RNF216: variants seen among roughly 807,000 people sequenced by gnomAD.
RNF216 encodes the protein E3 ubiquitin-protein ligase RNF216.
RNF216 carries 72 observed loss-of-function variants against 110.8 expected under a neutral mutation model. The ratio of observed to expected loss-of-function variants is 0.65; its 90% confidence interval spans 0.54 to 0.79. The LOEUF is 0.79. Ranked by LOEUF, RNF216 falls within the 30% of genes least tolerant of loss-of-function variation. RNF216 has a pLI of 0.00. For synonymous variants in RNF216, 495 were observed against 407.5 expected (o/e 1.21, Z -2.59); for missense variants, 1,342 against 1,141.2 (o/e 1.18, Z -2.54).
rs1342396486 is a variant in RNF216 at position 5,624,664 on chromosome 7, G to A, written c.2383-539C>T. On this transcript the variant is annotated intron_variant, in intron 15 of 16. Transcript: ENST00000389902. This position sits in a 1 kb window ranked among gnomAD's most constrained non-coding sequence, Gnocchi z 4.4. ...GGGGAGAGGAGGAAGGTGCGACAGT[G>A]AGGATGGTCCCCCTCGGACCTTGCC... Among the ~76,000 whole-genome samples the A allele has an allele frequency of 1.3e-5, 2 of 152,254 alleles. No homozygotes were observed. Among genetic ancestry groups the A allele is most frequent in the Non-Finnish European group, 2.9e-5 (2 of 68,046 alleles).
intron 13 of RNF216, among the ~76,000 whole-genome samples, chr7:5,705,342 T>C (rs1023900655): frequency 2.6e-5 from 4 of 152,204 alleles, no homozygotes; most frequent in African/African-American, 7.2e-5. Context: ...ATCAACTACA[T>C]AGTGGTCCAA....
chr7:5,747,444 T>C (rs188090285), intron 3 of RNF216, among the ~76,000 whole-genome samples: 21 of 152,338 alleles, frequency 1.4e-4, no homozygotes, highest in African/African-American at 5.0e-4. Context: ...TCCAGTCTAC[T>C]TATGGGCCAG....
At chr7:5,660,943 G>GTTTTTTTTTGTTTTTTTTTT (rs1470327757) in intron 13 of RNF216, among the ~76,000 whole-genome samples, 1 of 90,150 alleles carries the variant, frequency 1.1e-5, no homozygotes, top group African/African-American at 5.5e-5. Context: ...GAAGCCTTAG[G>GTTTTTTTTTGTTTTTTTTTT]TTTTTTTTTT....
chr7:5,780,656 G>A (rs189551518), intron 1 of RNF216, among the ~76,000 whole-genome samples: 106 of 152,008 alleles, frequency 7.0e-4, no homozygotes, highest in African/African-American at 2.5e-3. Context: ...AGTGAGCCGG[G>A]ATCGCGCCAC....
Position 5,721,158 on chromosome 7 carries a change from CTATTTT to C in RNF216, c.1513_1518del (p.Lys505_Ile506del). On this transcript the variant is annotated inframe_deletion, in exon 9 of 17. Transcript: ENST00000389902. ...TTTTCAAGAAAGAACATCCTCTTTTCTATTTTTATGTCACCTAGAAGATATACGACA... is the reference window on the plus strand; with the variant it reads ...TTTTCAAGAAAGAACATCCTCTTTTCTATGTCACCTAGAAGATATACGACA... 1 of 1,613,918 alleles carries C rather than the reference CTATTTT, an allele frequency of 6.2e-7. No individual in the cohort carries two copies. The highest frequency in any genetic ancestry group is 8.5e-7 in the Non-Finnish European group (1 of 1,179,918).
intron 14 of RNF216, among the ~76,000 whole-genome samples, chr7:5,643,750 T>A (rs965926454): frequency 6.6e-6 from 1 of 152,228 alleles, no homozygotes; most frequent in Non-Finnish European, 1.5e-5. Flanking sequence ...GTATTCACGA[T>A]GTTATACAAT....
At chr7:5,692,439 C>A (rs1022120486) in intron 13 of RNF216, among the ~76,000 whole-genome samples, 2 of 152,202 alleles carry the variant, frequency 1.3e-5, no homozygotes, top group Non-Finnish European at 2.9e-5. Flanking sequence ...GAAAAGGCAG[C>A]AGTTGGAAAC....
intron 14 of RNF216, among the ~76,000 whole-genome samples, chr7:5,644,309 GGT>G (rs1224150873): frequency 2.0e-5 from 3 of 151,986 alleles, no homozygotes; most frequent in Admixed American, 6.6e-5. Context: ...AATGTATACT[GGT>G]GTCATTTTTT....
chr7:5,766,149 G>A (rs866397089), intron 1 of RNF216, among the ~76,000 whole-genome samples: 16 of 151,914 alleles, frequency 1.1e-4, no homozygotes, highest in Middle Eastern at 3.4e-3. Context: ...AACTAGCTGC[G>A]CGGGGTGGCA....
rs1235037612 is a variant in RNF216 at position 5,625,785 on chromosome 7, G to C, written c.2383-1660C>G. Among the ~76,000 whole-genome samples, 4 of 152,212 alleles carry C rather than the reference G, an allele frequency of 2.6e-5. No individual in the cohort carries two copies. The East Asian group carries it at 5.8e-4, about 22-fold the overall frequency. The stretch of plus-strand genomic sequence containing the variant: ...AGTAATTAGATAACACATTCCCTTG[G>C]TTTGGTAGATGAAAGATTCTTAGAA... On this transcript the variant is annotated intron_variant, in intron 15 of 16. Coordinates refer to ENST00000389902, the MANE Select transcript of RNF216 (RefSeq NM_207111.4).
At chr7:5,633,395 G>A (rs1296805091) in intron 15 of RNF216, among the ~76,000 whole-genome samples, 5 of 151,942 alleles carry the variant, frequency 3.3e-5, no homozygotes, top group African/African-American at 1.2e-4. Flanking sequence ...GATCAACACG[G>A]TGAAACCCCG....
At chr7:5,735,543 G>T (rs1794345520) in intron 5 of RNF216, among the ~76,000 whole-genome samples, 1 of 150,682 alleles carries the variant, frequency 6.6e-6, no homozygotes, top group South Asian at 2.1e-4. Flanking sequence ...TAACACGGTA[G>T]ATGAGTTAAA....
intron 9 of RNF216, 40 bp downstream of exon 9, chr7:5,720,993 T>C: frequency 3.1e-6 from 5 of 1,604,106 alleles, no homozygotes; most frequent in Non-Finnish European, 4.3e-6. Flanking sequence ...CAAACCAGAA[T>C]CCCAGAAACA....
chr7:5,767,773 A>G (rs1264529283), intron 1 of RNF216, among the ~76,000 whole-genome samples: 2 of 151,936 alleles, frequency 1.3e-5, no homozygotes, highest in African/African-American at 4.8e-5. Context: ...TAATTTTTGT[A>G]TTTTTAGTAA....
At chr7:5,631,101 T>C (rs769528914) in intron 15 of RNF216, among the ~76,000 whole-genome samples, 2 of 152,146 alleles carry the variant, frequency 1.3e-5, no homozygotes, top group Non-Finnish European at 2.9e-5. Flanking sequence ...GAAACCTCCT[T>C]TCTCCCCTTA....
At chr7:5,767,182 C>T (rs1796251087) in intron 1 of RNF216, among the ~76,000 whole-genome samples, 1 of 152,184 alleles carries the variant, frequency 6.6e-6, no homozygotes, top group Non-Finnish European at 1.5e-5. Context: ...ATATATAAAA[C>T]ACATCTTTGA....
chr7:5,643,233 A>T (rs1332513006), intron 14 of RNF216, among the ~76,000 whole-genome samples: 1 of 152,066 alleles, frequency 6.6e-6, no homozygotes, highest in Non-Finnish European at 1.5e-5. Context: ...TTGCTTCTGC[A>T]TTTGTAAGAG....
At chr7:5,739,248 C>G in intron 5 of RNF216, 28 bp downstream of exon 5, 1 of 1,506,658 alleles carries the variant, frequency 6.6e-7, no homozygotes, top group Non-Finnish European at 8.8e-7. Context: ...CCACCACCAC[C>G]ACAAAAAAAG....
At chr7:5,732,964 G>C (rs778420491) in intron 5 of RNF216, 9 of 152,196 alleles carry the variant, frequency 5.9e-5, no homozygotes, top group Non-Finnish European at 1.2e-4. Flanking sequence ...AGCCAAAGTA[G>C]ATTACCTGCC....
Sources: gnomAD v4.1 joint callset for allele counts (sites outside exome capture counted in the v4.1 genomes callset) on GRCh38, gnomAD v4.1.1 for gene constraint, Gnocchi (gnomAD v3.1) non-coding constraint, MANE v1.5 for transcripts, NCBI Gene and HGNC (gene_info 2026-07-23, HGNC 2026-07-21) for gene names.